Variants in MAF observed in about 807,000 individuals in gnomAD.
MAF encodes transcription factor Maf.
In MAF, 10 loss-of-function variants were observed where a neutral mutation model predicts 22.0. That is an observed-to-expected ratio of 0.45 (90% CI 0.28 to 0.77). The LOEUF (loss-of-function observed/expected upper bound fraction) is 0.77, where lower values mean the gene tolerates loss of function less well. MAF is among the 30% of genes least tolerant of loss of function. The pLI is 0.12. For missense variants in MAF, 544 were observed against 548.4 expected, an observed-to-expected ratio of 0.99 and a Z score of 0.08; for synonymous variants, 337 against 255.8, an observed-to-expected ratio of 1.32 and a Z score of -3.03.
At chr16:79,470,975 T>C in the MAF span, among the ~76,000 whole-genome samples, 1 of 152,350 alleles carries the variant, frequency 6.6e-6, no homozygotes, top group South Asian at 2.1e-4. Context: ...TGGAAGATGG[T>C]AGCAATGAAA....
At chr16:79,345,654 G>A in the MAF span, among the ~76,000 whole-genome samples, 3 of 135,092 alleles carry the variant, frequency 2.2e-5, no homozygotes, top group Non-Finnish European at 4.6e-5. Flanking sequence ...CTTGAACCTC[G>A]TAGGTGGAGC....
At chr16:79,255,347 C>A in the MAF span, among the ~76,000 whole-genome samples, 1 of 152,198 alleles carries the variant, frequency 6.6e-6, no homozygotes, top group East Asian at 1.9e-4. Flanking sequence ...AGATGAAAAT[C>A]AGAAGTGACT....
At chr16:79,523,308 G>A in the MAF span, among the ~76,000 whole-genome samples, 9 of 152,192 alleles carry the variant, frequency 5.9e-5, no homozygotes, top group African/African-American at 2.2e-4. Flanking sequence ...TGAACAGAAT[G>A]GATTCTTCTC....
At chr16:79,281,563 T>C in the MAF span, among the ~76,000 whole-genome samples, 4 of 150,722 alleles carry the variant, frequency 2.7e-5, no homozygotes, top group African/African-American at 9.8e-5. Context: ...TTTTTTTTTT[T>C]TTTTGAGAGG....
the MAF span, among the ~76,000 whole-genome samples, chr16:79,474,597 A>G: frequency 3.3e-5 from 5 of 152,188 alleles, no homozygotes; most frequent in Non-Finnish European, 7.3e-5. Flanking sequence ...CTCAGGTGTT[A>G]ATATAAATGG....
chr16:79,336,380 A>G, the MAF span, among the ~76,000 whole-genome samples: 2 of 152,036 alleles, frequency 1.3e-5, no homozygotes, highest in Non-Finnish European at 2.9e-5. Flanking sequence ...TCACATAGCC[A>G]GTAAAGAACA....
chr16:79,407,275 G>A, the MAF span, among the ~76,000 whole-genome samples: 37 of 152,230 alleles, frequency 2.4e-4, no homozygotes, highest in Non-Finnish European at 4.3e-4. Flanking sequence ...GGGGGACAGG[G>A]GCCTCTTGGC....
At chr16:79,239,590 C>A in the MAF span, among the ~76,000 whole-genome samples, 1 of 152,034 alleles carries the variant, frequency 6.6e-6, no homozygotes, top group African/African-American at 2.4e-5. Context: ...CATTTCTGGA[C>A]CATTTTGCCT....
intron 1 of MAF, chr16:79,585,974 G>A (rs150924579): frequency 9.0e-6 from 6 of 665,088 alleles, no homozygotes; most frequent in African/African-American, 5.4e-5. Flanking sequence ...ATAAACAAAG[G>A]GTAATTAATA....
chr16:79,262,163 C>T, the MAF span, among the ~76,000 whole-genome samples: 21 of 152,230 alleles, frequency 1.4e-4, no homozygotes, highest in Non-Finnish European at 2.6e-4. Context: ...GAGGTCATTG[C>T]CACGACAACT....
chr16:79,457,072 G>A, the MAF span, among the ~76,000 whole-genome samples: 1 of 152,110 alleles, frequency 6.6e-6, no homozygotes, highest in Non-Finnish European at 1.5e-5. Flanking sequence ...GGTCATTGCT[G>A]TTGAAGAAAA....
chr16:79,442,012 G>A, the MAF span, among the ~76,000 whole-genome samples: 1 of 152,220 alleles, frequency 6.6e-6, no homozygotes, highest in Non-Finnish European at 1.5e-5. Flanking sequence ...GCCATGGAGT[G>A]CCAAAGAACG....
chr16:79,510,875 C>T, the MAF span, among the ~76,000 whole-genome samples: 2 of 152,158 alleles, frequency 1.3e-5, no homozygotes, highest in Non-Finnish European at 2.9e-5. Flanking sequence ...ATTTGTGTGT[C>T]TATATGTGTG....
the MAF span, among the ~76,000 whole-genome samples, chr16:79,463,948 A>C: frequency 6.8e-6 from 1 of 146,924 alleles, no homozygotes; most frequent in Non-Finnish European, 1.5e-5. Flanking sequence ...AGGAGACAAA[A>C]CCCTGGAAAG....
the MAF span, among the ~76,000 whole-genome samples, chr16:79,538,380 A>C: frequency 6.6e-6 from 1 of 152,348 alleles, no homozygotes; most frequent in Non-Finnish European, 1.5e-5. Flanking sequence ...TTAAGCCAGC[A>C]TCTGATGTGA....
At chr16:79,543,829 G>C in the MAF span, among the ~76,000 whole-genome samples, 4 of 152,046 alleles carry the variant, frequency 2.6e-5, no homozygotes, top group African/African-American at 9.7e-5. Context: ...TGGGACTACA[G>C]GCGCCTACCA....
downstream of MAF, among the ~76,000 whole-genome samples, chr16:79,593,360 C>T (rs1316077075): frequency 9.2e-5 from 14 of 151,972 alleles, no homozygotes. Flanking sequence ...CAGCTGTGTG[C>T]CATGTTTGTG....
At chr16:79,598,479 G>C in intron 1 of MAF, 4 of 1,272,630 alleles carry the variant, frequency 3.1e-6, no homozygotes, top group Non-Finnish European at 3.0e-6. Context: ...AAACAAGCTA[G>C]CAAGTTATGG....
the MAF span, among the ~76,000 whole-genome samples, chr16:79,490,642 A>G: frequency 1.3e-5 from 2 of 152,218 alleles, no homozygotes; most frequent in African/African-American, 4.8e-5. Context: ...ATGCATAAAT[A>G]TATTATAAGA....
Sources: allele counts gnomAD v4.1 joint callset (sites outside exome capture counted in the v4.1 genomes callset), GRCh38; gene constraint gnomAD v4.1.1; transcripts MANE v1.5; gene names NCBI Gene and HGNC (gene_info 2026-07-23, HGNC 2026-07-21).